The following PFAS variants were observed in gnomAD, a reference collection of about 807,000 sequenced individuals.
PFAS encodes FGAM synthase.
PFAS carries 97 observed loss-of-function variants against 140.6 expected under a neutral mutation model. The observed-to-expected ratio is 0.69, with a 90% CI of 0.59 to 0.82. The LOEUF is 0.82. PFAS is among the 40% of genes least tolerant of loss of function. PFAS has a pLI of 0.00. For synonymous variants in PFAS, 679 were observed against 718.8 expected, an observed-to-expected ratio of 0.94 and a Z score of 0.88; for missense variants, 1,656 against 1,780.2, an observed-to-expected ratio of 0.93 and a Z score of 1.26.
At chr17:8,264,152 A>G in intron 15 of PFAS, 60 bp from the exon 16 acceptor site, 1 of 1,603,208 alleles carries the variant, frequency 6.2e-7, no homozygotes, top group Non-Finnish European at 8.5e-7. Flanking sequence ...ATTTCTAGGA[A>G]CATTCCTTGC....
chr17:8,264,827 G>A (rs1989744049), intron 17 of PFAS, 68 bp from the exon 18 acceptor site: 1 of 1,185,074 alleles, frequency 8.4e-7, no homozygotes, highest in African/African-American at 1.5e-5. Flanking sequence ...GAGTGCCTTG[G>A]GGGCATGTGC....
intron 11 of PFAS, among the ~76,000 whole-genome samples, chr17:8,258,698 A>G (rs1410801465): frequency 6.6e-6 from 1 of 152,024 alleles, no homozygotes; most frequent in African/African-American, 2.4e-5. Context: ...AAAATTAGCC[A>G]GGCATCTGCC....
rs1042845778 is a variant in PFAS at position 8,264,534 on chromosome 17, T to C, written c.1982T>C (p.Val661Ala). The C allele has an allele frequency of 1.2e-6, 2 of 1,613,514 alleles. No homozygotes were observed. The highest frequency in any genetic ancestry group is 1.7e-6 in the Non-Finnish European group (2 of 1,179,800). Residue 661 changes from valine to alanine, a missense_variant, in exon 17 of 28, where the codon GTG (valine) becomes GCG (alanine). By Grantham distance (64) the Val-to-Ala change is moderately conservative. Transcript: ENST00000314666. ...QPLALPPGLS[V>A]HQALERVLRL... ...CTGGCCTTGCCCCCAGGGCTGAGCG[T>C]GCACCAGGCTCTGGAGAGGGTTCTG...
chr17:8,257,105 C>G lies in PFAS; in HGVS notation c.1075+142C>G. ...GGGCTCTAGGATAGCTGGCCTTTCA[C>G]TAACTATGGTCATAAGTGTAGACCT... On this transcript the variant is annotated intron_variant, in intron 9 of 27. Coordinates refer to ENST00000314666, the MANE Select transcript of PFAS (RefSeq NM_012393.3). 3.4e-6 allele frequency: 3 copies of G among 887,334 alleles called. No individual in the cohort carries two copies. In the South Asian group the frequency reaches 4.2e-5, roughly 12 times the overall value. 55.0% of individuals were successfully genotyped at this position (887,334 alleles called of 1,614,324 possible).
chr17:8,257,858 C>A lies in PFAS; in HGVS notation c.1127C>A (p.Ala376Asp), dbSNP rs201894250. Reference sequence around the variant, plus strand: ...AGCTTCCAGTATCCTGGGAATTTTGCCCGGCCCCTGGAGGTTGCCATTGAA... The same window carrying A: ...AGCTTCCAGTATCCTGGGAATTTTGACCGGCCCCTGGAGGTTGCCATTGAA... ...DPSFQYPGNF[A>D]RPLEVAIEAS... The change falls in exon 10 of 28, where the codon GCC (alanine) becomes GAC (aspartate). Residue 376 changes from alanine to aspartate, a missense_variant. Coordinates refer to ENST00000314666, the MANE Select transcript of PFAS (RefSeq NM_012393.3). The A allele has an allele frequency of 7.2e-5, 117 of 1,613,884 alleles. No individual in the cohort carries two copies. The highest frequency in any genetic ancestry group is 2.3e-5 in the Non-Finnish European group (27 of 1,179,880).
At chr17:8,258,768 C>T (rs922525372) in intron 11 of PFAS, among the ~76,000 whole-genome samples, 21 of 151,964 alleles carry the variant, frequency 1.4e-4, no homozygotes, top group African/African-American at 4.8e-4. Context: ...GGGCAGATCA[C>T]GAGGTCAGGA....
Position 8,268,936 on chromosome 17 carries a change from C to T in PFAS, c.3707-18C>T. The T allele has an allele frequency of 1.2e-6, 2 of 1,613,760 alleles. No homozygotes were observed. The highest frequency in any genetic ancestry group is 1.7e-6 in the Non-Finnish European group (2 of 1,179,750). ...ATGAAGGACCTTGGCTCTCACTTCC[C>T]TCCTCCTTCCATCCCAGGTTACGTA... On this transcript the variant is annotated intron_variant, in intron 27 of 27. Coordinates refer to ENST00000314666, the MANE Select transcript of PFAS (RefSeq NM_012393.3).
Position 8,268,600 on chromosome 17 carries a change from A to G in PFAS, c.3450A>G (p.Pro1150=). ...AGCTGAGGCGCTTCCGGAAGCGGCC[A>G]GACACCTTCAGCCTGGGCGTGTGTA... ...GAELRRFRKR[P]DTFSLGVCNG... Residue 1150 remains proline (P), a synonymous_variant, in exon 27 of 28, where the codon CCA becomes CCG. Coordinates refer to ENST00000314666, the MANE Select transcript of PFAS (RefSeq NM_012393.3). The G allele has an allele frequency of 1.2e-6, 2 of 1,613,248 alleles. No homozygotes were observed. Among genetic ancestry groups the G allele is most frequent in the Non-Finnish European group, 1.7e-6 (2 of 1,179,958 alleles).
chr17:8,254,394 A>G, intron 3 of PFAS, 93 bp downstream of exon 3: 2 of 1,456,178 alleles, frequency 1.4e-6, no homozygotes, highest in Non-Finnish European at 1.9e-6. Context: ...GCTCTTTGCT[A>G]CTTCCTGCCT....
intron 11 of PFAS, among the ~76,000 whole-genome samples, chr17:8,258,518 A>G (rs915028477): frequency 1.3e-5 from 2 of 152,188 alleles, no homozygotes; most frequent in Admixed American, 1.3e-4. Context: ...GCATGAGAAT[A>G]AAATAAGCAC....
At chr17:8,262,775 A>G (rs1989643056) in intron 11 of PFAS, 145 bp from the exon 12 acceptor site, 4 of 664,848 alleles carry the variant, frequency 6.0e-6, no homozygotes, top group South Asian at 1.8e-5. Flanking sequence ...CAGCCTGGAC[A>G]ACAGAGCGAG....
At chr17:8,264,103 G>T in intron 15 of PFAS, 109 bp from the exon 16 acceptor site, 1 of 1,521,954 alleles carries the variant, frequency 6.6e-7, no homozygotes, top group South Asian at 1.1e-5. Context: ...GACTCAATAT[G>T]GAAACCAAAC....
chr17:8,257,724 G>C (rs1989429203), intron 9 of PFAS, 83 bp from the exon 10 acceptor site: 2 of 1,463,020 alleles, frequency 1.4e-6, no homozygotes, highest in Admixed American at 3.3e-5. Context: ...TGGTGGCCTT[G>C]ACTCTTCCTG....
At position 8,255,775 on chromosome 17, in the gene PFAS, T is replaced by C. The variant is rs765698236; in HGVS notation, c.575-30T>C. 15 of 1,605,156 alleles carry C rather than the reference T, an allele frequency of 9.3e-6. No individual in the cohort carries two copies. The East Asian group carries it at 1.8e-4, about 19-fold the overall frequency. ...CTGGAATGTGGCTGCCTGAGTTCCATAGTCACCTCTTCCTGGATTTGTCTC... is the reference window on the plus strand; with the variant it reads ...CTGGAATGTGGCTGCCTGAGTTCCACAGTCACCTCTTCCTGGATTTGTCTC... On this transcript the variant is annotated intron_variant, in intron 5 of 27. Transcript: ENST00000314666.
chr17:8,266,162 G>T lies in PFAS; in HGVS notation c.2702-72G>T. The T allele has an allele frequency of 1.3e-6, 2 of 1,595,134 alleles. No homozygotes were observed. Among genetic ancestry groups the T allele is most frequent in the South Asian group, 2.3e-5 (2 of 87,686 alleles). ...TTCTGACACACACTCTTGATGGACT[G>T]ACTCCGGAAGGTGGGGTGGGGCTGT... On this transcript the variant is annotated intron_variant, in intron 21 of 27. Coordinates refer to ENST00000314666, the MANE Select transcript of PFAS (RefSeq NM_012393.3). This position sits in a 1 kb window ranked among gnomAD's most constrained non-coding sequence, Gnocchi z 5.0.
chr17:8,250,965 CTTT>C (rs59091857), intron 1 of PFAS, among the ~76,000 whole-genome samples: 1 of 147,256 alleles, frequency 6.8e-6, no homozygotes, highest in East Asian at 2.0e-4. Context: ...CTGTGGGAGT[CTTT>C]TTTTTTTTTT....
In PFAS at chr17:8,268,456, C is replaced by T. The variant is rs1989917509; in HGVS notation, c.3383-77C>T. 4 of 912,808 alleles carry T rather than the reference C, an allele frequency of 4.4e-6. No individual in the cohort carries two copies. In the East Asian group the frequency reaches 9.9e-5, roughly 23 times the overall value. The allele number at this position is 912,808 out of a possible 1,614,324, so 56.5% of individuals were successfully genotyped here. On this transcript the variant is annotated intron_variant, in intron 26 of 27. Transcript: ENST00000314666. ...GAAAGAAAAAAGAAAAGAAACAGAG[C>T]AGTTATGCCCCTTCATTCCCAATTC...
In PFAS at chr17:8,267,061, G is replaced by A. The variant is rs1989845414; in HGVS notation, c.3001G>A (p.Glu1001Lys). 6.2e-7 allele frequency: 1 copy of A among 1,614,050 alleles called. No individual in the cohort carries two copies. The highest frequency in any genetic ancestry group is 8.5e-7 in the Non-Finnish European group (1 of 1,180,032). The change falls in exon 24 of 28, where the codon GAG becomes AAG. Residue 1001 changes from glutamate to lysine, a missense_variant. By Grantham distance (56) the Glu-to-Lys change is moderately conservative. Around this residue, in one of 2 missense-constraint regions of PFAS, gnomAD observed 883 missense variants for 1,023.0 expected, o/e 0.86. Coordinates refer to ENST00000314666, the MANE Select transcript of PFAS (RefSeq NM_012393.3). This position sits in a 1 kb window ranked among gnomAD's most constrained non-coding sequence, Gnocchi z 4.9. ...RVSVNGAVVL[E>K]EPVGELRALW... ...GTCAGTGAACGGGGCTGTGGTTCTG[G>A]AGGAGCCTGTTGGGGAGCTGCGAGC...
Position 8,269,179 on chromosome 17 carries a change from C to A in PFAS, c.3932C>A (p.Pro1311His), listed in dbSNP as rs1989942778. The stretch of plus-strand genomic sequence containing the variant: ...AGGCCTTGGCAGTGGGCATGGCGAC[C>A]CCCTCCATTTGATACTCTGACCACC... ...AVRPWQWAWR[P>H]PPFDTLTTSP... Residue 1311 changes from proline (P) to histidine (H), a missense_variant, in exon 28 of 28, where the codon CCC (proline) becomes CAC (histidine). Transcript: ENST00000314666. The A allele has an allele frequency of 4.3e-6, 7 of 1,613,566 alleles. No homozygotes were observed. The highest frequency in any genetic ancestry group is 5.1e-6 in the Non-Finnish European group (6 of 1,179,944).
Sources: gnomAD v4.1 joint callset for allele counts (sites outside exome capture counted in the v4.1 genomes callset) on GRCh38, gnomAD v4.1.1 for gene constraint, gnomAD v4.1.1 regional missense constraint, Gnocchi (gnomAD v3.1) non-coding constraint, MANE v1.5 for transcripts, NCBI Gene and HGNC (gene_info 2026-07-23, HGNC 2026-07-21) for gene names.